CLNK: variants seen among roughly 807,000 people sequenced by gnomAD.
CLNK encodes the protein cytokine dependent hematopoietic cell linker.
In CLNK, 74 loss-of-function variants were observed where a neutral mutation model predicts 68.6. The observed-to-expected ratio is 1.08, with a 90% CI of 0.89 to 1.31. The LOEUF is 1.31. Ranked by LOEUF, CLNK falls within the 50% of genes most tolerant of loss-of-function variation. The probability of loss-of-function intolerance (pLI) is 0.00; values close to 1 mark genes in which losing one functional copy is unlikely to be tolerated. For missense variants in CLNK, 553 were observed against 515.3 expected, an observed-to-expected ratio of 1.07 and a Z score of -0.71; for synonymous variants, 198 against 172.2, an observed-to-expected ratio of 1.15 and a Z score of -1.17.
At chr4:10,557,560 C>G (rs575339494) in intron 8 of CLNK, among the ~76,000 whole-genome samples, 1 of 152,228 alleles carries the variant, frequency 6.6e-6, no homozygotes, top group African/African-American at 2.4e-5. Flanking sequence ...GTAGGGCCAG[C>G]CCCGCTGCTG....
intron 2 of CLNK, among the ~76,000 whole-genome samples, chr4:10,623,875 C>A (rs1277177961): frequency 1.3e-5 from 2 of 152,196 alleles, no homozygotes; most frequent in African/African-American, 2.4e-5. Flanking sequence ...GTGATGTCTT[C>A]TCTTAAACGG....
intron 11 of CLNK, among the ~76,000 whole-genome samples, chr4:10,539,485 G>A (rs1043845127): frequency 1.3e-5 from 2 of 152,182 alleles, no homozygotes; most frequent in Admixed American, 1.3e-4. Flanking sequence ...ATGCAAGCTT[G>A]AAGAAGGATG....
chr4:10,561,024 G>C lies in CLNK; in HGVS notation c.400-2572C>G, dbSNP rs553507410. ...TGATCCTCCCACCTCAGCCCCCAGA[G>C]TAGCTGGGACTACAGGCATGCTCCA... On this transcript the variant is annotated intron_variant, in intron 7 of 18. Coordinates refer to ENST00000226951, the MANE Select transcript of CLNK (RefSeq NM_052964.4). 2.0e-5 allele frequency among the ~76,000 whole-genome samples: 3 copies of C among 151,892 alleles called. No homozygotes were observed. The South Asian group carries it at 6.3e-4, about 32-fold the overall frequency.
intron 8 of CLNK, among the ~76,000 whole-genome samples, chr4:10,547,829 C>T (rs1453371575): frequency 4.6e-5 from 7 of 152,128 alleles, no homozygotes; most frequent in Admixed American, 3.9e-4. Flanking sequence ...ATTTCCTTCC[C>T]CTTAAGGCTG....
chr4:10,720,975 C>CAAAGGAATGAA, the CLNK span, among the ~76,000 whole-genome samples: 2 of 152,046 alleles, frequency 1.3e-5, no homozygotes, highest in Admixed American at 6.6e-5. Context: ...TCATCACATA[C>CAAAGGAATGAA]TACTCAACAA....
intron 12 of CLNK, among the ~76,000 whole-genome samples, chr4:10,530,978 G>T (rs556405984): frequency 3.2e-4 from 48 of 152,324 alleles, no homozygotes; most frequent in South Asian, 1.5e-3. Flanking sequence ...ATTGTCTTAT[G>T]GATTAGGGAG....
At chr4:10,648,344 T>C (rs532853109) in intron 2 of CLNK, among the ~76,000 whole-genome samples, 1 of 152,310 alleles carries the variant, frequency 6.6e-6, no homozygotes, top group Non-Finnish European at 1.5e-5. Context: ...GCTGTTATTG[T>C]CTTAGGACTC....
chr4:10,568,495 A>G (rs935621934), intron 5 of CLNK, among the ~76,000 whole-genome samples: 7 of 152,242 alleles, frequency 4.6e-5, no homozygotes, highest in African/African-American at 1.7e-4. Flanking sequence ...AAATGCGTAA[A>G]TTGAATGGCA....
intron 1 of CLNK, among the ~76,000 whole-genome samples, chr4:10,670,892 G>A (rs1724602448): frequency 6.6e-6 from 1 of 152,160 alleles, no homozygotes; most frequent in Non-Finnish European, 1.5e-5. Flanking sequence ...CAAGGGATCA[G>A]GGAGGAATCC....
chr4:10,525,800 C>CTG (rs1718291632), intron 14 of CLNK, 41 bp downstream of exon 14: 1 of 1,179,726 alleles, frequency 8.5e-7, no homozygotes, highest in Non-Finnish European at 1.2e-6. Flanking sequence ...ATGGCCTGAC[C>CTG]CCTCAGCCTC....
At chr4:10,556,377 T>C (rs1719673085) in intron 8 of CLNK, among the ~76,000 whole-genome samples, 1 of 152,232 alleles carries the variant, frequency 6.6e-6, no homozygotes, top group African/African-American at 2.4e-5. Flanking sequence ...ATGTCATCTA[T>C]GTAGATTTTC....
chr4:10,726,620 A>T, the CLNK span, among the ~76,000 whole-genome samples: 1 of 152,248 alleles, frequency 6.6e-6, no homozygotes, highest in South Asian at 2.1e-4. Context: ...TTAACCCATA[A>T]CAGGGTAGAG....
the CLNK span, among the ~76,000 whole-genome samples, chr4:10,699,512 A>ATATATATATTTTTTTTT: frequency 3.1e-4 from 10 of 32,724 alleles, no homozygotes; most frequent in Non-Finnish European, 3.4e-4. Context: ...ATATATATAT[A>ATATATATATTTTTTTTT]TTTTTTTTTT....
chr4:10,643,191 C>A (rs1577191879), intron 2 of CLNK, among the ~76,000 whole-genome samples: 3 of 152,250 alleles, frequency 2.0e-5, no homozygotes, highest in East Asian at 1.9e-4. Context: ...ACAAATAGTT[C>A]TTTATATTTA....
At chr4:10,717,987 G>T in the CLNK span, among the ~76,000 whole-genome samples, 2 of 152,010 alleles carry the variant, frequency 1.3e-5, no homozygotes, top group Non-Finnish European at 2.9e-5. Flanking sequence ...AAGAGTCTTA[G>T]CAAAAACAGC....
intron 2 of CLNK, among the ~76,000 whole-genome samples, chr4:10,654,932 C>T (rs1723904610): frequency 6.6e-6 from 1 of 151,910 alleles, no homozygotes; most frequent in African/African-American, 2.4e-5. Flanking sequence ...TGAAATCTGT[C>T]TCTACTAAAA....
rs187015957 is a variant in CLNK, at chr4:10,566,141, A to C, written c.160T>G (p.Phe54Val). 4.0e-4 allele frequency: 638 copies of C among 1,613,548 alleles called. 4 individuals are homozygous for C. The African/African-American group carries it at 7.6e-3, about 19-fold the overall frequency. Residue 54 changes from phenylalanine to valine, a missense_variant, in exon 6 of 19, where the codon TTT becomes GTT. Transcript: ENST00000226951. ...TTTGCTCCATCCAGGACTGCAGCAAAGTTTCTTTCCTAAGCAGGTGGTAAC... is the reference window on the plus strand; with the variant it reads ...TTTGCTCCATCCAGGACTGCAGCAACGTTTCTTTCCTAAGCAGGTGGTAAC... ...NKPLLDWERN[F>V]AAVLDGAKGH...
At chr4:10,729,489 G>A in the CLNK span, among the ~76,000 whole-genome samples, 8 of 152,216 alleles carry the variant, frequency 5.3e-5, no homozygotes, top group South Asian at 1.0e-3. Context: ...CACCATTCAC[G>A]AGAGCAAAGT....
At chr4:10,651,279 C>T (rs1723724605) in intron 2 of CLNK, among the ~76,000 whole-genome samples, 1 of 152,164 alleles carries the variant, frequency 6.6e-6, no homozygotes, top group African/African-American at 2.4e-5. Context: ...TTCACAATAC[C>T]AAAGACTTGG....
Sources: allele counts gnomAD v4.1 joint callset (sites outside exome capture counted in the v4.1 genomes callset), GRCh38; gene constraint gnomAD v4.1.1; transcripts MANE v1.5; gene names NCBI Gene and HGNC (gene_info 2026-07-23, HGNC 2026-07-21).